Variants in FAT3 observed in about 807,000 individuals in gnomAD.
The protein encoded by FAT3 is protocadherin Fat 3.
In FAT3, 95 loss-of-function variants were observed where a neutral mutation model predicts 310.2. The ratio of observed to expected loss-of-function variants is 0.31; its 90% CI spans 0.26 to 0.36. FAT3 has a LOEUF of 0.36. Ranked by LOEUF, FAT3 falls within the 10% of genes least tolerant of loss-of-function variation. The probability of loss-of-function intolerance (pLI) is 1.00; values close to 1 mark genes in which losing one functional copy is unlikely to be tolerated. For missense variants in FAT3, 5,408 were observed against 5,715.6 expected (o/e 0.95, Z 1.74); for synonymous variants, 2,314 against 2,192.9 (o/e 1.06, Z -1.54).
At chr11:92,819,425 A>G (rs945150488) in intron 13 of FAT3, among the ~76,000 whole-genome samples, 3 of 152,230 alleles carry the variant, frequency 2.0e-5, no homozygotes, top group African/African-American at 7.2e-5. Context: ...AGGTCAGGGA[A>G]GGAACCTCCT....
At chr11:92,461,021 G>A (rs1951626502) in intron 2 of FAT3, among the ~76,000 whole-genome samples, 1 of 152,144 alleles carries the variant, frequency 6.6e-6, no homozygotes, top group South Asian at 2.1e-4. Context: ...CCATATTGGA[G>A]TCCATGGCTA....
intron 5 of FAT3, among the ~76,000 whole-genome samples, chr11:92,764,006 G>A (rs1302598996): frequency 1.3e-5 from 2 of 152,096 alleles, no homozygotes; most frequent in Non-Finnish European, 2.9e-5. Context: ...TTTTTTAAAT[G>A]TAATACTTGA....
At chr11:92,796,344 T>TG (rs554583176) in intron 9 of FAT3, among the ~76,000 whole-genome samples, 2 of 152,212 alleles carry the variant, frequency 1.3e-5, no homozygotes, top group African/African-American at 2.4e-5. Flanking sequence ...TATTCACATT[T>TG]GGGGGGGCTG....
At chr11:92,789,616 C>T (rs1213209293) in intron 7 of FAT3, among the ~76,000 whole-genome samples, 4 of 152,090 alleles carry the variant, frequency 2.6e-5, no homozygotes, top group African/African-American at 9.7e-5. Context: ...GGCAACTTAA[C>T]AAACTAAGGT....
At chr11:92,568,089 A>G (rs1955534891) in intron 3 of FAT3, among the ~76,000 whole-genome samples, 1 of 152,162 alleles carries the variant, frequency 6.6e-6, no homozygotes, top group Admixed American at 6.6e-5. Flanking sequence ...GCAAATATTT[A>G]TTGAATGTCT....
chr11:92,291,139 G>T (rs1946682648), intron 1 of FAT3, among the ~76,000 whole-genome samples: 1 of 141,510 alleles, frequency 7.1e-6, no homozygotes, highest in Non-Finnish European at 1.6e-5. Flanking sequence ...AGAAGTAGGT[G>T]GGTATTTTCT....
intron 2 of FAT3, among the ~76,000 whole-genome samples, chr11:92,408,437 C>A (rs1950182068): frequency 1.3e-5 from 2 of 152,158 alleles, no homozygotes. Context: ...TTGACTCTGG[C>A]CTGTTGCTTA....
Position 92,883,018 on chromosome 11 carries a change from A to G in FAT3, c.12562A>G (p.Asn4188Asp). Residue 4188 changes from asparagine (N) to aspartate (D), a missense_variant, in exon 24 of 28, where the codon AAC becomes GAC. This residue lies in a region of FAT3 where 649 missense variants were observed against 666.2 expected (regional missense o/e 0.97). Coordinates refer to ENST00000525166, the MANE Select transcript of FAT3 (RefSeq NM_001367949.2). The surrounding 1 kb of genome is among the most constrained non-coding windows in gnomAD (Gnocchi z 4.2). Reference protein sequence around the residue: ...KVFRKNYSRNNITLVQDPATA... With the variant: ...KVFRKNYSRNDITLVQDPATA... ...CTTCCGCAAGAACTACTCCCGCAAC[A>G]ACATCACGCTAGTGCAGGACCCGGC... The G allele has an allele frequency of 1.2e-6, 2 of 1,613,954 alleles. No homozygotes were observed.
chr11:92,862,911 C>G (rs978018828), intron 21 of FAT3, among the ~76,000 whole-genome samples: 2 of 152,002 alleles, frequency 1.3e-5, no homozygotes, highest in Non-Finnish European at 2.9e-5. Context: ...GACAGCCAGT[C>G]AATATCACTT....
chr11:92,537,084 A>C (rs997832556), intron 3 of FAT3, among the ~76,000 whole-genome samples: 1 of 152,190 alleles, frequency 6.6e-6, no homozygotes, highest in Non-Finnish European at 1.5e-5. Flanking sequence ...ACTCCCACGT[A>C]GACATCATTA....
At chr11:92,441,259 G>C (rs898232641) in intron 2 of FAT3, among the ~76,000 whole-genome samples, 2 of 152,102 alleles carry the variant, frequency 1.3e-5, no homozygotes, top group Non-Finnish European at 2.9e-5. Flanking sequence ...TTTTTATTTA[G>C]TGTTGGTTTA....
intron 1 of FAT3, among the ~76,000 whole-genome samples, chr11:92,244,130 G>A (rs1443951186): frequency 1.3e-5 from 2 of 152,060 alleles, no homozygotes; most frequent in African/African-American, 2.4e-5. Context: ...CAAAGACCGT[G>A]CAGCTGTTAA....
chr11:92,646,055 A>G (rs1456197825), intron 3 of FAT3, among the ~76,000 whole-genome samples: 3 of 152,246 alleles, frequency 2.0e-5, no homozygotes, highest in African/African-American at 7.2e-5. Flanking sequence ...CCAAGATTTA[A>G]TGTCTTACAA....
At chr11:92,636,838 T>C (rs1468979645) in intron 3 of FAT3, among the ~76,000 whole-genome samples, 1 of 152,220 alleles carries the variant, frequency 6.6e-6, no homozygotes, top group African/African-American at 2.4e-5. Flanking sequence ...CTCAGCTGTG[T>C]CATTTTTCAA....
chr11:92,233,567 G>A (rs1468987172), intron 1 of FAT3, among the ~76,000 whole-genome samples: 2 of 152,182 alleles, frequency 1.3e-5, no homozygotes, highest in Admixed American at 1.3e-4. Flanking sequence ...CAGCTAAATA[G>A]GTATAAGTCG....
At position 92,774,125 on chromosome 11, in the gene FAT3, C is replaced by T. The variant is rs751543920; in HGVS notation, c.4280C>T (p.Ser1427Phe). Residue 1427 changes from serine (S) to phenylalanine (F), a missense_variant, in exon 7 of 28, where the codon TCC becomes TTC. By Grantham distance (155) the Ser-to-Phe change is radical. Around this residue, in one of 5 missense-constraint regions of FAT3, gnomAD observed 4,588 missense variants for 4,809.8 expected, o/e 0.95. Transcript: ENST00000525166. ...IAKPLDAEQR[S>F]IYNMSVEVTD... is the part of the protein sequence containing the mutation. ...AAACCTTTGGATGCAGAGCAGAGGT[C>T]CATCTATAATATGAGTGTGGAAGTC... is the stretch of plus-strand genomic sequence containing the variant. The T allele has an allele frequency of 6.2e-7, 1 of 1,613,450 alleles. No individual in the cohort carries two copies. The highest frequency in any genetic ancestry group is 2.2e-5 in the East Asian group (1 of 44,840).
chr11:92,778,921 AT>A (rs1946667309), intron 7 of FAT3, among the ~76,000 whole-genome samples: 1 of 152,040 alleles, frequency 6.6e-6, no homozygotes, highest in Non-Finnish European at 1.5e-5. Context: ...CTCTTTGAGA[AT>A]TTTTTTTAAA....
intron 2 of FAT3, among the ~76,000 whole-genome samples, chr11:92,412,718 T>TATATATATATATATATATATACAC (rs1950306109): frequency 1.1e-4 from 3 of 27,896 alleles, no homozygotes; most frequent in African/African-American, 2.8e-4. Context: ...TATATATATA[T>TATATATATATATATATATATACAC]ATATATATAT....
chr11:92,816,849 G>A lies in FAT3; in HGVS notation c.9481+6773G>A, dbSNP rs375071353. Among the ~76,000 whole-genome samples, 252 of 152,090 alleles carry A rather than the reference G, an allele frequency of 1.7e-3. 8 individuals are homozygous for A. The South Asian group carries it at 0.048, about 29-fold the overall frequency. The stretch of plus-strand genomic sequence containing the variant: ...AAATTAGCCAGGTGTGGTGACGTGC[G>A]CCTGTAATCCCAGCTACTCGGGAGG... On this transcript the variant is annotated intron_variant, in intron 13 of 27. Coordinates refer to ENST00000525166, the MANE Select transcript of FAT3 (RefSeq NM_001367949.2).
Sources: allele counts gnomAD v4.1 joint callset (sites outside exome capture counted in the v4.1 genomes callset), GRCh38; gene constraint gnomAD v4.1.1; regional missense constraint gnomAD v4.1.1; non-coding constraint Gnocchi (gnomAD v3.1); transcripts MANE v1.5; gene names NCBI Gene and HGNC (gene_info 2026-07-23, HGNC 2026-07-21).